The following ADGRB3 variants were observed in gnomAD, a reference collection of about 807,000 sequenced individuals.
ADGRB3 encodes adhesion G protein-coupled receptor B3.
ADGRB3 carries 37 observed loss-of-function variants against 193.4 expected under a neutral mutation model. The ratio of observed to expected loss-of-function variants is 0.19; its 90% CI spans 0.15 to 0.25. The LOEUF (loss-of-function observed/expected upper bound fraction) is 0.25, where lower values mean the gene tolerates loss of function less well. Ranked by LOEUF, ADGRB3 falls within the 10% of genes least tolerant of loss-of-function variation. The pLI is 1.00. For synonymous variants in ADGRB3, 690 were observed against 644.2 expected (o/e 1.07, Z -1.08); for missense variants, 1,637 against 1,852.9 (o/e 0.88, Z 2.14).
At chr6:68,865,840 C>A (rs1047901036) in intron 3 of ADGRB3, among the ~76,000 whole-genome samples, 1 of 152,156 alleles carries the variant, frequency 6.6e-6, no homozygotes, top group African/African-American at 2.4e-5. Context: ...ATTACCCAAG[C>A]AGATATCCAA....
intron 28 of ADGRB3, 45 bp downstream of exon 28, chr6:69,355,905 A>G (rs1353445251): frequency 6.9e-7 from 1 of 1,439,852 alleles, no homozygotes; most frequent in African/African-American, 1.4e-5. Context: ...GGGATGTTCA[A>G]TCATTTCTAT....
intron 3 of ADGRB3, among the ~76,000 whole-genome samples, chr6:68,711,700 C>T (rs1458142992): frequency 1.3e-5 from 2 of 152,070 alleles, no homozygotes; most frequent in Non-Finnish European, 2.9e-5. Flanking sequence ...CCCATCCCTT[C>T]AAAAGCATGC....
intron 3 of ADGRB3, among the ~76,000 whole-genome samples, chr6:68,906,993 C>T (rs1766566473): frequency 6.6e-6 from 1 of 151,862 alleles, no homozygotes; most frequent in South Asian, 2.1e-4. Flanking sequence ...AGACATTAGG[C>T]AAGTTTATTC....
chr6:69,332,232 C>A (rs1768747311), intron 23 of ADGRB3: 2 of 985,186 alleles, frequency 2.0e-6, no homozygotes, highest in Non-Finnish European at 2.4e-6. Flanking sequence ...TGTGTGATTT[C>A]ATTTCATGTA....
At chr6:69,232,535 C>T (rs1766166085) in intron 17 of ADGRB3, 10 of 1,535,542 alleles carry the variant, frequency 6.5e-6, no homozygotes, top group African/African-American at 2.7e-5. Flanking sequence ...TAGCTTAATG[C>T]TTCTGCCCCA....
intron 10 of ADGRB3, among the ~76,000 whole-genome samples, chr6:68,988,737 C>T (rs761859392): frequency 8.5e-5 from 13 of 152,128 alleles, no homozygotes; most frequent in Admixed American, 1.3e-4. Flanking sequence ...AGGATGCTAA[C>T]GACACCTCTC....
intron 17 of ADGRB3, among the ~76,000 whole-genome samples, chr6:69,100,870 GAAGA>G (rs1773020913): frequency 2.0e-3 from 18 of 9,148 alleles, no homozygotes; most frequent in South Asian, 8.5e-3. Context: ...AGGAAGGAAG[GAAGA>G]AGGAAGGGAG....
At chr6:69,327,195 AG>A (rs2127310756) in intron 21 of ADGRB3, among the ~76,000 whole-genome samples, 2 of 152,282 alleles carry the variant, frequency 1.3e-5, no homozygotes, top group Admixed American at 1.3e-4. Flanking sequence ...ACCAAAATAC[AG>A]GGGGGTTCTA....
intron 17 of ADGRB3, among the ~76,000 whole-genome samples, chr6:69,201,641 G>A (rs1424835150): frequency 5.9e-5 from 9 of 152,054 alleles, no homozygotes; most frequent in South Asian, 4.1e-4. Context: ...TGCTCTTAAC[G>A]TCAGGCACTG....
At chr6:69,046,398 G>T (rs1490851831) in intron 13 of ADGRB3, among the ~76,000 whole-genome samples, 2 of 152,156 alleles carry the variant, frequency 1.3e-5, no homozygotes, top group African/African-American at 4.8e-5. Flanking sequence ...CTACTAACTT[G>T]CTGACCTGCT....
At chr6:69,011,342 G>T (rs921092239) in intron 11 of ADGRB3, among the ~76,000 whole-genome samples, 1 of 151,956 alleles carries the variant, frequency 6.6e-6, no homozygotes, top group African/African-American at 2.4e-5. Flanking sequence ...GGATGCAGCT[G>T]GAGGCCATTA....
At chr6:68,919,218 A>G (rs879804918) in intron 3 of ADGRB3, among the ~76,000 whole-genome samples, 2 of 152,196 alleles carry the variant, frequency 1.3e-5, no homozygotes, top group South Asian at 4.1e-4. Context: ...GGTTCAGCAC[A>G]ATATTTTGAT....
intron 13 of ADGRB3, among the ~76,000 whole-genome samples, chr6:69,018,709 G>A (rs1267787295): frequency 6.6e-6 from 1 of 151,882 alleles, no homozygotes; most frequent in Non-Finnish European, 1.5e-5. Flanking sequence ...TTATCTTCAT[G>A]CATTTGTATG....
chr6:69,339,148 G>A lies in ADGRB3; in HGVS notation c.3287+134G>A, dbSNP rs190763225. ...ATTTAAATATTTATAATTGGCAACT[G>A]TCTTTATAGCTATTGTGGGATAGTA... On this transcript the variant is annotated intron_variant, in intron 25 of 31. Coordinates refer to ENST00000370598, the MANE Select transcript of ADGRB3 (RefSeq NM_001704.3). The A allele has an allele frequency of 1.1e-5, 12 of 1,111,326 alleles. No individual in the cohort carries two copies. In the African/African-American group the frequency reaches 1.9e-4, roughly 18 times the overall value. The allele number at this position is 1,111,326 out of a possible 1,614,324, so 68.8% of individuals were successfully genotyped here. A position where few individuals can be genotyped will look rare whatever the true frequency, so the allele number is the denominator to read the frequency against.
chr6:69,122,092 A>G (rs1375927207), intron 17 of ADGRB3, among the ~76,000 whole-genome samples: 1 of 110,760 alleles, frequency 9.0e-6, no homozygotes, highest in African/African-American at 3.0e-5. Flanking sequence ...TGGGAGGCCA[A>G]GGCAGGCGGC....
chr6:69,374,932 T>C (rs1769782415), intron 30 of ADGRB3, among the ~76,000 whole-genome samples: 1 of 152,018 alleles, frequency 6.6e-6, no homozygotes, highest in Non-Finnish European at 1.5e-5. Context: ...CCACACTGAA[T>C]TTCAAAGATA....
chr6:69,188,525 T>A (rs1480849974), intron 17 of ADGRB3, among the ~76,000 whole-genome samples: 6 of 152,156 alleles, frequency 3.9e-5, no homozygotes, highest in African/African-American at 1.4e-4. Flanking sequence ...GTCAGGCTGG[T>A]CGTGAACTCC....
chr6:68,778,147 G>A (rs1766784590), intron 3 of ADGRB3, among the ~76,000 whole-genome samples: 1 of 152,062 alleles, frequency 6.6e-6, no homozygotes, highest in Non-Finnish European at 1.5e-5. Flanking sequence ...GCCAGCAAAT[G>A]ACATTGTCTT....
At chr6:68,818,308 A>G (rs1370136387) in intron 3 of ADGRB3, among the ~76,000 whole-genome samples, 3 of 152,156 alleles carry the variant, frequency 2.0e-5, no homozygotes, top group Non-Finnish European at 4.4e-5. Flanking sequence ...TTTCATAAGG[A>G]TGCTCATTGC....
Sources: allele counts gnomAD v4.1 joint callset (sites outside exome capture counted in the v4.1 genomes callset), GRCh38; gene constraint gnomAD v4.1.1; transcripts MANE v1.5; gene names NCBI Gene and HGNC (gene_info 2026-07-23, HGNC 2026-07-21).